Variants in RIMS2 observed in about 807,000 individuals in gnomAD.
RIMS2 encodes regulating synaptic membrane exocytosis protein 2.
A neutral mutation model predicts 174.4 loss-of-function variants in RIMS2; 59 were observed. The ratio of observed to expected loss-of-function variants is 0.34; its 90% CI spans 0.27 to 0.42. RIMS2 has a LOEUF of 0.42. Among genes scored for constraint, RIMS2 ranks in the 10% least tolerant of loss-of-function variants. The pLI is 1.00. For synonymous variants in RIMS2, 606 were observed against 572.5 expected, an observed-to-expected ratio of 1.06 and a Z score of -0.84; for missense variants, 1,620 against 1,666.3, an observed-to-expected ratio of 0.97 and a Z score of 0.48.
At chr8:103,802,903 C>G (rs778144966) in intron 3 of RIMS2, among the ~76,000 whole-genome samples, 1 of 152,140 alleles carries the variant, frequency 6.6e-6, no homozygotes, top group Non-Finnish European at 1.5e-5. Flanking sequence ...ATACATTTTC[C>G]TATTGCATAT....
intron 19 of RIMS2, chr8:104,093,607 T>A (rs374981220): frequency 5.6e-6 from 9 of 1,597,234 alleles, no homozygotes; most frequent in Non-Finnish European, 7.6e-6. Flanking sequence ...TACATGTCTG[T>A]CCAATCAGAA....
At chr8:103,597,955 A>G (rs1257075951) in intron 1 of RIMS2, among the ~76,000 whole-genome samples, 1 of 152,160 alleles carries the variant, frequency 6.6e-6, no homozygotes, top group Non-Finnish European at 1.5e-5. Context: ...TTTATTTTTA[A>G]TTATATGCAT....
At chr8:103,661,578 A>C (rs148056825) in intron 1 of RIMS2, among the ~76,000 whole-genome samples, 4,547 of 152,038 alleles carry the variant, frequency 0.03, 75 homozygotes, top group African/African-American at 0.046. Context: ...ATCTTGGCTC[A>C]CTGCAACTTC....
intron 19 of RIMS2, among the ~76,000 whole-genome samples, chr8:104,073,663 A>G (rs887627368): frequency 1.3e-5 from 2 of 152,212 alleles, no homozygotes; most frequent in Non-Finnish European, 2.9e-5. Flanking sequence ...AACCCATAAT[A>G]TAATAGATTG....
chr8:103,950,769 T>C (rs1191417523), intron 14 of RIMS2, among the ~76,000 whole-genome samples: 2 of 152,222 alleles, frequency 1.3e-5, no homozygotes, highest in African/African-American at 2.4e-5. Flanking sequence ...GTAATTGTGA[T>C]TCTAGCTTGT....
intron 3 of RIMS2, among the ~76,000 whole-genome samples, chr8:103,835,988 A>G (rs2098886244): frequency 6.6e-6 from 1 of 152,256 alleles, no homozygotes; most frequent in African/African-American, 2.4e-5. Flanking sequence ...ATCTAATTTT[A>G]AAAGAAAACT....
intron 1 of RIMS2, among the ~76,000 whole-genome samples, chr8:103,513,088 T>C (rs544781546): frequency 8.5e-5 from 13 of 152,314 alleles, no homozygotes; most frequent in African/African-American, 3.1e-4. Context: ...GTATGCATAG[T>C]CCTTGAACTG....
intron 2 of RIMS2, among the ~76,000 whole-genome samples, chr8:103,702,784 A>G (rs1212614594): frequency 1.3e-5 from 2 of 148,206 alleles, no homozygotes; most frequent in Non-Finnish European, 3.0e-5. Context: ...TTATGCTAGT[A>G]CTATGCTGTT....
At chr8:104,003,326 G>A (rs551081692) in intron 17 of RIMS2, among the ~76,000 whole-genome samples, 12 of 152,144 alleles carry the variant, frequency 7.9e-5, no homozygotes, top group East Asian at 1.9e-4. Context: ...AATAAATATC[G>A]TATTTTAGAA....
At chr8:103,726,597 G>T (rs2097529761) in intron 2 of RIMS2, among the ~76,000 whole-genome samples, 1 of 151,058 alleles carries the variant, frequency 6.6e-6, no homozygotes, top group Admixed American at 6.6e-5. Context: ...GGATAAGTTT[G>T]GGAAGAATTG....
At position 103,697,002 on chromosome 8, in the gene RIMS2, A is replaced by G. The variant is rs1031216027; in HGVS notation, c.177-84A>G. The G allele has an allele frequency of 1.9e-4, 146 of 780,180 alleles. 1 individual carries two copies. Among genetic ancestry groups the G allele is most frequent in the Middle Eastern group, 1.7e-3 (7 of 4,204 alleles). The allele number at this position is 780,180 out of a possible 1,614,324, so 48.3% of individuals were successfully genotyped here. On this transcript the variant is annotated intron_variant, in intron 1 of 23. Transcript: ENST00000504942. ...TCTCATCTTGTATTTTTTTGGTTAT[A>G]AAACTGTGTCTATAAATTGTGATAA...
chr8:103,861,973 C>T (rs1232194298), intron 3 of RIMS2, among the ~76,000 whole-genome samples: 2 of 151,928 alleles, frequency 1.3e-5, no homozygotes, highest in Non-Finnish European at 2.9e-5. Flanking sequence ...TGTGCAGCAG[C>T]TTTTTAGTTT....
chr8:103,960,206 A>G (rs1256583971), intron 14 of RIMS2, among the ~76,000 whole-genome samples: 1 of 152,198 alleles, frequency 6.6e-6, no homozygotes, highest in Non-Finnish European at 1.5e-5. Context: ...TTGTTTTTAT[A>G]TGCAATAATT....
At chr8:104,230,811 T>G (rs2139222539) in intron 19 of RIMS2, among the ~76,000 whole-genome samples, 1 of 152,260 alleles carries the variant, frequency 6.6e-6, no homozygotes, top group Admixed American at 6.5e-5. Context: ...TATCTATCTA[T>G]AAAAGAAGGA....
intron 1 of RIMS2, among the ~76,000 whole-genome samples, chr8:103,537,056 A>G (rs1246619324): frequency 6.6e-6 from 1 of 152,236 alleles, no homozygotes; most frequent in Non-Finnish European, 1.5e-5. Context: ...GGATACATAG[A>G]TGAAGAAGAC....
At chr8:104,182,225 A>T (rs2098944214) in intron 19 of RIMS2, among the ~76,000 whole-genome samples, 1 of 151,842 alleles carries the variant, frequency 6.6e-6, no homozygotes, top group African/African-American at 2.4e-5. Context: ...TATATTCCAA[A>T]TAATATTATG....
At chr8:103,696,862 C>CAAAAAAA (rs55852238) in intron 1 of RIMS2, among the ~76,000 whole-genome samples, 758 of 53,642 alleles carry the variant, frequency 0.014, 47 homozygotes, top group South Asian at 0.034. Context: ...GACTTCGTCT[C>CAAAAAAA]AAAAAAAAAA....
At chr8:103,948,860 C>A (rs1019519390) in intron 14 of RIMS2, among the ~76,000 whole-genome samples, 2 of 151,652 alleles carry the variant, frequency 1.3e-5, no homozygotes. Flanking sequence ...CATGATGGCT[C>A]ACACCTGTAA....
chr8:103,623,711 G>A (rs1433344708), intron 1 of RIMS2, among the ~76,000 whole-genome samples: 6 of 150,812 alleles, frequency 4.0e-5, no homozygotes, highest in African/African-American at 1.2e-4. Context: ...GGATGGTCTC[G>A]ATCTCCTGAC....
Sources: allele counts gnomAD v4.1 joint callset (sites outside exome capture counted in the v4.1 genomes callset), GRCh38; gene constraint gnomAD v4.1.1; transcripts MANE v1.5; gene names NCBI Gene and HGNC (gene_info 2026-07-23, HGNC 2026-07-21).